Variants in PTPRD observed in about 807,000 individuals in gnomAD.
PTPRD encodes the protein protein tyrosine phosphatase receptor type D, also known as receptor-type tyrosine-protein phosphatase delta.
A neutral mutation model predicts 214.5 loss-of-function variants in PTPRD; 34 were observed. The observed-to-expected ratio is 0.16, with a 90% CI of 0.12 to 0.21. The LOEUF is 0.21. Among genes scored for constraint, PTPRD ranks in the 10% least tolerant of loss-of-function variants. PTPRD has a pLI of 1.00. For synonymous variants in PTPRD, 1,128 were observed against 845.7 expected, an observed-to-expected ratio of 1.33 and a Z score of -5.79; for missense variants, 2,545 against 2,398.7, an observed-to-expected ratio of 1.06 and a Z score of -1.27.
intron 4 of PTPRD, among the ~76,000 whole-genome samples, chr9:10,016,943 G>C (rs757650676): frequency 2.0e-5 from 3 of 152,162 alleles, no homozygotes; most frequent in Non-Finnish European, 2.9e-5. Flanking sequence ...GGGATTACAG[G>C]AGTGAGCCAT....
intron 11 of PTPRD, among the ~76,000 whole-genome samples, chr9:8,897,110 A>G (rs986999718): frequency 1.3e-5 from 2 of 152,174 alleles, no homozygotes; most frequent in African/African-American, 4.8e-5. Flanking sequence ...AACTCTTACA[A>G]TATAGCCATA....
intron 3 of PTPRD, among the ~76,000 whole-genome samples, chr9:10,127,914 G>A (rs1275312114): frequency 2.0e-5 from 3 of 152,302 alleles, no homozygotes; most frequent in East Asian, 3.9e-4. Flanking sequence ...TATATAGGGT[G>A]TGGAGAATGG....
chr9:10,516,587 C>G (rs2050191275), intron 2 of PTPRD, among the ~76,000 whole-genome samples: 1 of 151,854 alleles, frequency 6.6e-6, no homozygotes. Flanking sequence ...TGTAGACATA[C>G]TTGTTTATTT....
intron 6 of PTPRD, among the ~76,000 whole-genome samples, chr9:9,747,899 A>C (rs2098474500): frequency 1.3e-5 from 2 of 152,138 alleles, no homozygotes; most frequent in African/African-American, 4.8e-5. Context: ...GTATGGCCGG[A>C]ATGTTTCAAA....
At chr9:8,586,774 T>G (rs558405004) in intron 14 of PTPRD, among the ~76,000 whole-genome samples, 2 of 152,188 alleles carry the variant, frequency 1.3e-5, no homozygotes, top group Non-Finnish European at 2.9e-5. Context: ...ATATTTTATA[T>G]TAATACTAGA....
At chr9:9,119,724 A>G (rs2099815810) in intron 10 of PTPRD, among the ~76,000 whole-genome samples, 1 of 151,948 alleles carries the variant, frequency 6.6e-6, no homozygotes, top group African/African-American at 2.4e-5. Context: ...GGGTTTCACC[A>G]TGTTGCCCAG....
intron 2 of PTPRD, among the ~76,000 whole-genome samples, chr9:10,448,342 G>T (rs916870904): frequency 1.3e-5 from 2 of 151,970 alleles, no homozygotes; most frequent in Non-Finnish European, 2.9e-5. Context: ...TATATAGATA[G>T]CTGCTGCTTT....
chr9:9,742,090 G>A (rs1564908642), intron 6 of PTPRD, among the ~76,000 whole-genome samples: 1 of 152,000 alleles, frequency 6.6e-6, no homozygotes, highest in East Asian at 1.9e-4. Flanking sequence ...TTTAATATTC[G>A]CCATTCTAAC....
At chr9:10,065,201 C>T (rs117547006) in intron 3 of PTPRD, among the ~76,000 whole-genome samples, 624 of 25,248 alleles carry the variant, frequency 0.025, no homozygotes, top group Non-Finnish European at 0.043. Flanking sequence ...GAAAAGGATG[C>T]TTTGCAGAGG....
At chr9:8,596,796 T>C (rs559900909) in intron 14 of PTPRD, among the ~76,000 whole-genome samples, 3 of 152,260 alleles carry the variant, frequency 2.0e-5, no homozygotes, top group African/African-American at 7.2e-5. Context: ...AACAATATTG[T>C]TGATAAACAG....
At chr9:10,526,308 C>A (rs1380081595) in intron 2 of PTPRD, among the ~76,000 whole-genome samples, 2 of 152,010 alleles carry the variant, frequency 1.3e-5, no homozygotes, top group Admixed American at 1.3e-4. Flanking sequence ...GCACATATTT[C>A]AAAAATGGAT....
At chr9:9,915,420 C>T (rs571690908) in intron 5 of PTPRD, among the ~76,000 whole-genome samples, 28 of 150,254 alleles carry the variant, frequency 1.9e-4, no homozygotes, top group African/African-American at 6.8e-4. Flanking sequence ...AAAAAGAATT[C>T]AAAATAATAA....
intron 3 of PTPRD, among the ~76,000 whole-genome samples, chr9:10,313,669 T>A (rs1405629469): frequency 6.6e-6 from 1 of 151,950 alleles, no homozygotes. Context: ...AGCCATTAAG[T>A]CTACTGCCAG....
chr9:9,421,677 C>T (rs1235932872), intron 8 of PTPRD, among the ~76,000 whole-genome samples: 1 of 151,790 alleles, frequency 6.6e-6, no homozygotes, highest in Non-Finnish European at 1.5e-5. Flanking sequence ...CTGAACTGGC[C>T]AAAGGTGAAA....
At chr9:9,802,215 G>A (rs1159859224) in intron 5 of PTPRD, among the ~76,000 whole-genome samples, 1 of 147,334 alleles carries the variant, frequency 6.8e-6, no homozygotes, top group Admixed American at 7.2e-5. Flanking sequence ...CTTTACTCCT[G>A]AAATGCAAAT....
chr9:8,631,787 C>T (rs1206514307), intron 14 of PTPRD, among the ~76,000 whole-genome samples: 1 of 151,498 alleles, frequency 6.6e-6, no homozygotes, highest in East Asian at 1.9e-4. Flanking sequence ...CTAGGAAATC[C>T]CTCCCTTGTT....
chr9:9,773,941 A>T (rs1396673934), intron 5 of PTPRD, among the ~76,000 whole-genome samples: 1 of 152,186 alleles, frequency 6.6e-6, no homozygotes, highest in East Asian at 1.9e-4. Context: ...CCATAATATT[A>T]TATTGCCTGT....
intron 7 of PTPRD, among the ~76,000 whole-genome samples, chr9:9,695,856 TTTTC>T (rs2097363888): frequency 6.6e-6 from 1 of 152,208 alleles, no homozygotes; most frequent in Non-Finnish European, 1.5e-5. Flanking sequence ...TGACCTGTAG[TTTTC>T]TTTTATATAG....
In PTPRD at chr9:9,275,066, T is replaced by TTA. The variant is rs71485092; in HGVS notation, c.-202-91705_-202-91704dup. Among the ~76,000 whole-genome samples, 575 of 73,024 alleles carry TTA rather than the reference T, an allele frequency of 7.9e-3. 16 individuals carry two copies. The highest frequency in any genetic ancestry group is 0.032 in the African/African-American group (546 of 16,974). The allele number at this position is 73,024 out of a possible 152,430, so 47.9% of individuals were successfully genotyped here. On this transcript the variant is annotated intron_variant, in intron 9 of 45. Transcript: ENST00000381196. Reference sequence around the variant, plus strand: ...TTCCATATATATATGTATATATATATTATATATATATATATAATATATATG... The same window carrying TTA: ...TTCCATATATATATGTATATATATATTATATATATATATATATAATATATATG...
Sources: gnomAD v4.1 joint callset for allele counts (sites outside exome capture counted in the v4.1 genomes callset) on GRCh38, gnomAD v4.1.1 for gene constraint, MANE v1.5 for transcripts, NCBI Gene and HGNC (gene_info 2026-07-23, HGNC 2026-07-21) for gene names.